The following UNC5D variants were observed in gnomAD, a reference collection of about 807,000 sequenced individuals.
UNC5D encodes unc-5 netrin receptor D.
A neutral mutation model predicts 105.4 loss-of-function variants in UNC5D; 39 were observed. That is an observed-to-expected ratio of 0.37 (90% confidence interval 0.29 to 0.48). UNC5D has a LOEUF of 0.48. Among genes scored for constraint, UNC5D ranks in the 20% least tolerant of loss-of-function variants. UNC5D has a pLI of 0.98. For synonymous variants in UNC5D, 452 were observed against 450.4 expected (o/e 1.00, Z -0.04); for missense variants, 991 against 1,202.4 (o/e 0.82, Z 2.60).
At chr8:35,757,108 CT>C (rs1830553363) in intron 13 of UNC5D, among the ~76,000 whole-genome samples, 1 of 151,942 alleles carries the variant, frequency 6.6e-6, no homozygotes, top group Non-Finnish European at 1.5e-5. Context: ...GAACTGAAGT[CT>C]AAAGAAAATA....
chr8:35,546,296 G>A (rs1376973262), intron 1 of UNC5D, among the ~76,000 whole-genome samples: 5 of 152,114 alleles, frequency 3.3e-5, no homozygotes, highest in African/African-American at 7.2e-5. Context: ...CAGGCTGAAC[G>A]TGCTGCTTAT....
chr8:35,663,105 A>T (rs1052996292), intron 4 of UNC5D, among the ~76,000 whole-genome samples: 2 of 152,124 alleles, frequency 1.3e-5, no homozygotes, highest in African/African-American at 4.8e-5. Context: ...GGTGCCAAAA[A>T]GGTTGAGGAC....
chr8:35,626,174 C>G (rs1295820915), intron 4 of UNC5D, among the ~76,000 whole-genome samples: 1 of 151,134 alleles, frequency 6.6e-6, no homozygotes, highest in African/African-American at 2.4e-5. Context: ...ATGGATTTCT[C>G]TCCCTGGGGC....
intron 16 of UNC5D, among the ~76,000 whole-genome samples, chr8:35,775,624 C>T (rs945519769): frequency 7.2e-5 from 11 of 151,774 alleles, no homozygotes; most frequent in African/African-American, 2.7e-4. Context: ...TTCTTTCAGG[C>T]AAAACCTTAT....
intron 4 of UNC5D, among the ~76,000 whole-genome samples, chr8:35,644,103 T>C (rs1007148893): frequency 9.9e-5 from 15 of 152,150 alleles, no homozygotes; most frequent in Admixed American, 2.0e-4. Flanking sequence ...AAATTCTAAA[T>C]CATCATGTAT....
At chr8:35,658,184 T>A (rs1475522196) in intron 4 of UNC5D, among the ~76,000 whole-genome samples, 1 of 152,230 alleles carries the variant, frequency 6.6e-6, no homozygotes, top group Non-Finnish European at 1.5e-5. Context: ...GTAAAAATGT[T>A]ACAAAATAGA....
intron 1 of UNC5D, among the ~76,000 whole-genome samples, chr8:35,543,113 C>T (rs1306892918): frequency 6.6e-6 from 1 of 152,134 alleles, no homozygotes; most frequent in Non-Finnish European, 1.5e-5. Flanking sequence ...TTATTTGATT[C>T]TCATGTAAAG....
At position 35,298,308 on chromosome 8, in the gene UNC5D, C is replaced by T. The variant is rs539225769; in HGVS notation, c.103+62421C>T. Among the ~76,000 whole-genome samples the T allele has an allele frequency of 2.6e-5, 4 of 152,266 alleles. 1 individual carries two copies. In the South Asian group the frequency reaches 8.3e-4, roughly 32 times the overall value. ...TCTCCCACTCTTAAGCATACCCTAT[C>T]CACTTCACCCCTAAACTTTGGCTCT... is the stretch of plus-strand genomic sequence containing the variant. On this transcript the variant is annotated intron_variant, in intron 1 of 16. Coordinates refer to ENST00000404895, the MANE Select transcript of UNC5D (RefSeq NM_080872.4).
chr8:35,626,947 C>T (rs1486563870), intron 4 of UNC5D, among the ~76,000 whole-genome samples: 9 of 151,996 alleles, frequency 5.9e-5, no homozygotes, highest in Non-Finnish European at 8.8e-5. Context: ...GCTGCTACCC[C>T]GAAGCAGAAT....
chr8:35,385,130 T>C (rs985678204), intron 1 of UNC5D, among the ~76,000 whole-genome samples: 7 of 152,198 alleles, frequency 4.6e-5, no homozygotes, highest in Non-Finnish European at 1.0e-4. Context: ...TATGAAATCA[T>C]AGAAATTAGG....
intron 1 of UNC5D, among the ~76,000 whole-genome samples, chr8:35,250,142 G>A (rs748795077): frequency 1.1e-4 from 16 of 152,112 alleles, no homozygotes; most frequent in Non-Finnish European, 1.9e-4. Context: ...ACACCCATGT[G>A]TGTAATTGAA....
intron 1 of UNC5D, among the ~76,000 whole-genome samples, chr8:35,248,979 T>TTA (rs1294503441): frequency 1.2e-5 from 1 of 85,782 alleles, no homozygotes; most frequent in African/African-American, 4.8e-5. Flanking sequence ...TTATATATTT[T>TTA]TATATAATAT....
At chr8:35,542,621 C>T (rs576319763) in intron 1 of UNC5D, among the ~76,000 whole-genome samples, 43 of 152,136 alleles carry the variant, frequency 2.8e-4, no homozygotes, top group Non-Finnish European at 5.3e-4. Flanking sequence ...TAGCTATGTG[C>T]CTGGTGTACA....
chr8:35,608,624 C>A (rs973144424), intron 4 of UNC5D, among the ~76,000 whole-genome samples: 1 of 152,164 alleles, frequency 6.6e-6, no homozygotes. Flanking sequence ...TCTCCACTAT[C>A]TGTCATTTCA....
intron 14 of UNC5D, among the ~76,000 whole-genome samples, chr8:35,764,257 G>A (rs981798209): frequency 5.9e-5 from 9 of 152,148 alleles, no homozygotes; most frequent in East Asian, 1.9e-4. Context: ...AAGATTATTT[G>A]TAGTGCTTAG....
At chr8:35,421,724 G>GA (rs1805918468) in intron 1 of UNC5D, among the ~76,000 whole-genome samples, 1 of 151,890 alleles carries the variant, frequency 6.6e-6, no homozygotes, top group East Asian at 1.9e-4. Context: ...CACACACATA[G>GA]AAAAATACAA....
rs147838776 is a variant in UNC5D, at chr8:35,482,131, G to A, written c.104-67161G>A. Among the ~76,000 whole-genome samples the A allele has an allele frequency of 1.5e-4, 23 of 152,272 alleles. No homozygotes were observed. In the East Asian group the frequency reaches 3.9e-3, roughly 26 times the overall value. On this transcript the variant is annotated intron_variant, in intron 1 of 16. Coordinates refer to ENST00000404895, the MANE Select transcript of UNC5D (RefSeq NM_080872.4). ...ATTTCTTGTAGCTAGACTGAATAGCGAACATCTCTCCAGGTCTATGGATCA... is the reference window on the plus strand; with the variant it reads ...ATTTCTTGTAGCTAGACTGAATAGCAAACATCTCTCCAGGTCTATGGATCA...
intron 1 of UNC5D, among the ~76,000 whole-genome samples, chr8:35,476,144 T>G (rs1810080801): frequency 6.6e-6 from 1 of 152,230 alleles, no homozygotes; most frequent in South Asian, 2.1e-4. Flanking sequence ...GATTGTTTAC[T>G]GTCTTCTGCT....
Position 35,790,648 on chromosome 8 carries a change from C to A in UNC5D, c.*85C>A. 6.9e-7 allele frequency: 1 copy of A among 1,454,498 alleles called. No homozygotes were observed. Among genetic ancestry groups the A allele is most frequent in the Non-Finnish European group, 9.5e-7 (1 of 1,055,628 alleles). 90.1% of individuals were successfully genotyped at this position (1,454,498 alleles called of 1,614,324 possible). A position where few individuals can be genotyped will look rare whatever the true frequency, so the allele number is the denominator to read the frequency against. Reference sequence around the variant, plus strand: ...AAAGAGGCCGCTTTCTGCCCAGTGGCGTTGGGGGAATTCAGCCTTCATTTA... The same window carrying A: ...AAAGAGGCCGCTTTCTGCCCAGTGGAGTTGGGGGAATTCAGCCTTCATTTA... On this transcript the variant is annotated 3_prime_UTR_variant, in exon 17 of 17. Coordinates refer to ENST00000404895, the MANE Select transcript of UNC5D (RefSeq NM_080872.4).
Sources: allele counts gnomAD v4.1 joint callset (sites outside exome capture counted in the v4.1 genomes callset), GRCh38; gene constraint gnomAD v4.1.1; transcripts MANE v1.5; gene names NCBI Gene and HGNC (gene_info 2026-07-23, HGNC 2026-07-21).